Variants in RAPGEF2 observed in about 807,000 individuals in gnomAD.
The protein encoded by RAPGEF2 is Rap guanine nucleotide exchange factor 2, also known as PDZ domain containing guanine nucleotide exchange factor (GEF) 1.
A neutral mutation model predicts 186.7 loss-of-function variants in RAPGEF2; 54 were observed. The observed-to-expected ratio is 0.29, with a 90% CI of 0.23 to 0.36. The LOEUF is 0.36. RAPGEF2 is among the 10% of genes least tolerant of loss of function. RAPGEF2 has a pLI of 1.00. For missense variants in RAPGEF2, 1,532 were observed against 2,045.0 expected (o/e 0.75, Z 4.84); for synonymous variants, 712 against 705.9 (o/e 1.01, Z -0.14).
intron 1 of RAPGEF2, among the ~76,000 whole-genome samples, chr4:159,148,961 A>T (rs1743234274): frequency 6.6e-6 from 1 of 152,208 alleles, no homozygotes; most frequent in Non-Finnish European, 1.5e-5. Flanking sequence ...CTTGGATTAA[A>T]CAAGTTTATT....
rs907711449 is a variant in RAPGEF2, at chr4:159,131,111, A to T, written c.69+26880A>T. ...GTGTGTGTGTGTGAGAGAGAGAGAGAGAGAGAGAGAGAGAGAGAGACAGAA... is the reference window on the plus strand; with the variant it reads ...GTGTGTGTGTGTGAGAGAGAGAGAGTGAGAGAGAGAGAGAGAGAGACAGAA... On this transcript the variant is annotated intron_variant, in intron 1 of 29. Coordinates refer to ENST00000691494, the MANE Select transcript of RAPGEF2 (RefSeq NM_001394067.2). Among the ~76,000 whole-genome samples the T allele has an allele frequency of 8.4e-3, 1,271 of 150,478 alleles. 20 individuals carry two copies. Among genetic ancestry groups the T allele is most frequent in the African/African-American group, 0.03 (1,203 of 40,424 alleles).
chr4:159,116,602 A>G (rs544275795), intron 1 of RAPGEF2, among the ~76,000 whole-genome samples: 39 of 152,360 alleles, frequency 2.6e-4, no homozygotes, highest in African/African-American at 9.1e-4. Flanking sequence ...ATAAAGATAC[A>G]TGGAAGCATA....
intron 7 of RAPGEF2, among the ~76,000 whole-genome samples, chr4:159,287,650 A>T (rs1760682815): frequency 6.6e-6 from 1 of 152,186 alleles, no homozygotes; most frequent in African/African-American, 2.4e-5. Context: ...ATGCATAATA[A>T]ATTGTTAATA....
At chr4:159,268,130 T>C in intron 7 of RAPGEF2, 2 of 1,613,220 alleles carry the variant, frequency 1.2e-6, no homozygotes, top group Non-Finnish European at 1.7e-6. Flanking sequence ...GATGTGTAAA[T>C]TCAGTTCAGC....
intron 22 of RAPGEF2, 31 bp from the exon 23 acceptor site, chr4:159,344,005 A>G: frequency 5.2e-6 from 8 of 1,526,866 alleles, no homozygotes; most frequent in Non-Finnish European, 7.3e-6. Context: ...TTCTACACCC[A>G]TGCTTCAATC....
At chr4:159,125,795 G>A (rs1238163137) in intron 1 of RAPGEF2, among the ~76,000 whole-genome samples, 1 of 151,904 alleles carries the variant, frequency 6.6e-6, no homozygotes, top group African/African-American at 2.4e-5. Flanking sequence ...GTTATAGTCT[G>A]TGCATCTATG....
intron 7 of RAPGEF2, among the ~76,000 whole-genome samples, chr4:159,263,752 G>C (rs1280957530): frequency 6.6e-6 from 1 of 152,018 alleles, no homozygotes; most frequent in African/African-American, 2.4e-5. Flanking sequence ...TTCTAAGTGT[G>C]ATTAATCATT....
intron 2 of RAPGEF2, among the ~76,000 whole-genome samples, chr4:159,187,273 G>A (rs1747653889): frequency 6.6e-6 from 1 of 151,820 alleles, no homozygotes; most frequent in African/African-American, 2.4e-5. Flanking sequence ...CCACCCCAGG[G>A]TCTGTCTCTG....
At chr4:159,292,192 A>G (rs905852358) in intron 7 of RAPGEF2, among the ~76,000 whole-genome samples, 7 of 152,126 alleles carry the variant, frequency 4.6e-5, no homozygotes, top group Non-Finnish European at 1.0e-4. Flanking sequence ...TCTTTACCAT[A>G]GCTCCCCACG....
chr4:159,161,824 G>A (rs1744739150), intron 1 of RAPGEF2, among the ~76,000 whole-genome samples: 4 of 152,196 alleles, frequency 2.6e-5, no homozygotes, highest in Admixed American at 6.6e-5. Context: ...GTGTGATCAG[G>A]TTTGATGCAT....
intron 7 of RAPGEF2, chr4:159,268,048 CT>C (rs111542449): frequency 0.051 from 54,125 of 1,063,032 alleles, 60 homozygotes; most frequent in East Asian, 0.12. Context: ...TCCCTCCTCC[CT>C]TTTTTTTTTT....
At chr4:159,243,915 A>C in intron 7 of RAPGEF2, 124 bp downstream of exon 7, 1 of 713,626 alleles carries the variant, frequency 1.4e-6, no homozygotes, top group Non-Finnish European at 2.1e-6. Flanking sequence ...ATTTTGCCCT[A>C]ATTTACTTTG....
chr4:159,249,369 CT>C (rs1373274987), intron 7 of RAPGEF2, among the ~76,000 whole-genome samples: 2 of 139,856 alleles, frequency 1.4e-5, no homozygotes, highest in Non-Finnish European at 3.0e-5. Context: ...TTACAGTTAT[CT>C]GTTGTAAGTT....
At chr4:159,207,861 A>G (rs1750139357) in intron 3 of RAPGEF2, among the ~76,000 whole-genome samples, 1 of 152,244 alleles carries the variant, frequency 6.6e-6, no homozygotes, top group Non-Finnish European at 1.5e-5. Context: ...ACTTGGCATA[A>G]TTCAGAATTT....
chr4:159,303,598 A>G (rs1579850463), intron 7 of RAPGEF2, among the ~76,000 whole-genome samples: 1 of 151,968 alleles, frequency 6.6e-6, no homozygotes, highest in Non-Finnish European at 1.5e-5. Context: ...CGAGGGCATA[A>G]TAAGAGAAAA....
At chr4:159,247,365 A>T (rs1462581439) in intron 7 of RAPGEF2, among the ~76,000 whole-genome samples, 1 of 152,200 alleles carries the variant, frequency 6.6e-6, no homozygotes, top group Non-Finnish European at 1.5e-5. Flanking sequence ...GGGCCCCTAC[A>T]GGAGTCGGGG....
intron 1 of RAPGEF2, among the ~76,000 whole-genome samples, chr4:159,177,744 C>T (rs1284950710): frequency 6.6e-6 from 1 of 152,168 alleles, no homozygotes; most frequent in East Asian, 1.9e-4. Context: ...TGCCCCTTCA[C>T]CATTTGGGTA....
At chr4:159,269,815 A>T (rs544499066) in intron 7 of RAPGEF2, among the ~76,000 whole-genome samples, 1 of 152,182 alleles carries the variant, frequency 6.6e-6, no homozygotes, top group Admixed American at 6.5e-5. Flanking sequence ...GTTTGCTACT[A>T]TGGGCAACAT....
chr4:159,279,834 A>C (rs1759452096), intron 7 of RAPGEF2, among the ~76,000 whole-genome samples: 1 of 151,812 alleles, frequency 6.6e-6, no homozygotes, highest in African/African-American at 2.4e-5. Flanking sequence ...GCGTATCACC[A>C]CACCCAGCTA....
Sources: gnomAD v4.1 joint callset for allele counts (sites outside exome capture counted in the v4.1 genomes callset) on GRCh38, gnomAD v4.1.1 for gene constraint, MANE v1.5 for transcripts, NCBI Gene and HGNC (gene_info 2026-07-23, HGNC 2026-07-21) for gene names.